Variants in RBFOX1 observed in about 807,000 individuals in gnomAD.
RBFOX1 encodes RNA binding fox-1 homolog 1.
In RBFOX1, 8 loss-of-function variants were observed where a neutral mutation model predicts 57.7. The observed-to-expected ratio is 0.14, with a 90% CI of 0.08 to 0.25. The LOEUF (loss-of-function observed/expected upper bound fraction) is 0.25. RBFOX1 is among the 10% of genes least tolerant of loss of function. The probability of loss-of-function intolerance (pLI) is 1.00; values close to 1 mark genes in which losing one functional copy is unlikely to be tolerated. For missense variants in RBFOX1, 611 were observed against 548.5 expected (o/e 1.11, Z -1.14); for synonymous variants, 326 against 222.4 (o/e 1.47, Z -4.15).
intron 10 of RBFOX1, among the ~76,000 whole-genome samples, chr16:7,625,871 G>C (rs1175465754): frequency 6.6e-6 from 1 of 152,162 alleles, no homozygotes; most frequent in Non-Finnish European, 1.5e-5. Context: ...CACTTCATTT[G>C]CTCCCTGCCT....
At chr16:7,048,933 G>T (rs1196712956) in intron 3 of RBFOX1, among the ~76,000 whole-genome samples, 3 of 152,102 alleles carry the variant, frequency 2.0e-5, no homozygotes, top group Non-Finnish European at 4.4e-5. Flanking sequence ...CTGTGGATTT[G>T]TTTCCAATAT....
chr16:5,877,126 C>T (rs2057632372), intron 4 of RBFOX1, among the ~76,000 whole-genome samples: 1 of 152,136 alleles, frequency 6.6e-6, no homozygotes. Flanking sequence ...TGATTATATC[C>T]AGGAGGAGGG....
intron 4 of RBFOX1, among the ~76,000 whole-genome samples, chr16:5,908,092 A>ATG (rs1384625048): frequency 1.4e-5 from 2 of 142,586 alleles, no homozygotes; most frequent in Admixed American, 6.9e-5. Flanking sequence ...ATATACACAT[A>ATG]TATACACATA....
chr16:7,068,092 T>G (rs969890979), intron 4 of RBFOX1, among the ~76,000 whole-genome samples: 4 of 152,068 alleles, frequency 2.6e-5, no homozygotes, highest in South Asian at 2.1e-4. Context: ...TCTCCTGCTT[T>G]TAAGGGTTCA....
At chr16:6,038,718 G>C (rs1184398169) in intron 1 of RBFOX1, 1 of 147,944 alleles carries the variant, frequency 6.8e-6, no homozygotes, top group Non-Finnish European at 1.5e-5. Flanking sequence ...AACTGTATTT[G>C]ATTGCTTTAG....
intron 1 of RBFOX1, among the ~76,000 whole-genome samples, chr16:6,064,688 A>C (rs1208810887): frequency 6.6e-6 from 1 of 151,916 alleles, no homozygotes; most frequent in Non-Finnish European, 1.5e-5. Flanking sequence ...CTACAGGTGC[A>C]TGCCACCACA....
intron 3 of RBFOX1, among the ~76,000 whole-genome samples, chr16:6,671,947 G>T (rs2098767925): frequency 6.6e-6 from 1 of 152,194 alleles, no homozygotes; most frequent in African/African-American, 2.4e-5. Flanking sequence ...TAAGTAGATA[G>T]GATGATAATG....
intron 1 of RBFOX1, among the ~76,000 whole-genome samples, chr16:5,419,152 A>G (rs2067242029): frequency 1.3e-5 from 2 of 152,124 alleles, no homozygotes; most frequent in African/African-American, 4.8e-5. Flanking sequence ...TGGTCTCTGT[A>G]TTAGGGTTCT....
At chr16:6,757,440 C>T (rs1416108602) in intron 3 of RBFOX1, among the ~76,000 whole-genome samples, 1 of 152,118 alleles carries the variant, frequency 6.6e-6, no homozygotes, top group Non-Finnish European at 1.5e-5. Context: ...GGTATATATG[C>T]ACAACAGAAT....
chr16:7,407,071 T>C (rs1025885148), intron 4 of RBFOX1, among the ~76,000 whole-genome samples: 5 of 152,194 alleles, frequency 3.3e-5, no homozygotes, highest in African/African-American at 1.2e-4. Context: ...CTTAATGTTT[T>C]TTATTTTCAT....
At chr16:6,873,993 G>A (rs1224156909) in intron 3 of RBFOX1, 4 of 152,056 alleles carry the variant, frequency 2.6e-5, no homozygotes, top group African/African-American at 7.3e-5. Flanking sequence ...TTTGTGAAGC[G>A]TTTCATATTT....
At chr16:6,140,654 C>T (rs2096708841) in intron 1 of RBFOX1, among the ~76,000 whole-genome samples, 1 of 152,184 alleles carries the variant, frequency 6.6e-6, no homozygotes, top group Non-Finnish European at 1.5e-5. Flanking sequence ...TCCTTCCCTC[C>T]TGTCTGTGTA....
At chr16:5,853,324 T>C (rs528739904) in intron 3 of RBFOX1, among the ~76,000 whole-genome samples, 5 of 152,096 alleles carry the variant, frequency 3.3e-5, no homozygotes, top group Non-Finnish European at 7.4e-5. Flanking sequence ...TCAGAAGAGA[T>C]TGCACAGTTA....
rs149577658 is a variant in RBFOX1, at chr16:5,665,952, C to T, written c.318+66991C>T. ...CGCCTGCGTTGGGAGAGAAGCAGAGCTGACGAAATGTCAAAGGGTGAATGG... is the reference window on the plus strand; with the variant it reads ...CGCCTGCGTTGGGAGAGAAGCAGAGTTGACGAAATGTCAAAGGGTGAATGG... On this transcript the variant is annotated intron_variant, in intron 3 of 19. Transcript: ENST00000641259. 2.5e-3 allele frequency among the ~76,000 whole-genome samples: 386 copies of T among 152,342 alleles called. 1 individual carries two copies. Among genetic ancestry groups the T allele is most frequent in the Non-Finnish European group, 3.8e-3 (257 of 68,038 alleles).
intron 1 of RBFOX1, among the ~76,000 whole-genome samples, chr16:5,324,231 G>C (rs1469468226): frequency 6.6e-6 from 1 of 152,226 alleles, no homozygotes; most frequent in East Asian, 1.9e-4. Flanking sequence ...GGGAGGCCAA[G>C]GCAGGTGGAT....
intron 1 of RBFOX1, among the ~76,000 whole-genome samples, chr16:5,362,123 A>G (rs1339101496): frequency 6.6e-6 from 1 of 152,248 alleles, no homozygotes; most frequent in Non-Finnish European, 1.5e-5. Context: ...TACATGCATA[A>G]TACAGTATTG....
At chr16:7,517,585 C>T (rs1405886500) in intron 4 of RBFOX1, among the ~76,000 whole-genome samples, 1 of 151,884 alleles carries the variant, frequency 6.6e-6, no homozygotes, top group East Asian at 2.0e-4. Flanking sequence ...ACATAACACA[C>T]AACCACACAG....
intron 1 of RBFOX1, among the ~76,000 whole-genome samples, chr16:6,310,764 G>C (rs961105044): frequency 6.6e-6 from 1 of 152,154 alleles, no homozygotes; most frequent in Non-Finnish European, 1.5e-5. Flanking sequence ...TGTAGAGACA[G>C]ATGTCTACAA....
intron 14 of RBFOX1, among the ~76,000 whole-genome samples, chr16:7,684,802 C>A (rs561119129): frequency 1.3e-5 from 2 of 151,994 alleles, no homozygotes; most frequent in Admixed American, 1.3e-4. Flanking sequence ...GAATATGAGC[C>A]CAGGTAGTGG....
Sources: allele counts gnomAD v4.1 joint callset (sites outside exome capture counted in the v4.1 genomes callset), GRCh38; gene constraint gnomAD v4.1.1; transcripts MANE v1.5; gene names NCBI Gene and HGNC (gene_info 2026-07-23, HGNC 2026-07-21).